The following R3HCC1L variants were observed in gnomAD, a reference collection of about 807,000 sequenced individuals.
R3HCC1L encodes R3H domain and coiled-coil containing 1 like.
R3HCC1L carries 51 observed loss-of-function variants against 59.9 expected under a neutral mutation model. The observed-to-expected ratio is 0.85, with a 90% CI of 0.68 to 1.07. The LOEUF is 1.07. Among genes scored for constraint, R3HCC1L ranks in the 50% least tolerant of loss-of-function variants. The pLI is 0.00. For missense variants in R3HCC1L, 965 were observed against 933.0 expected (o/e 1.03, Z -0.45); for synonymous variants, 322 against 315.2 (o/e 1.02, Z -0.23).
intron 4 of R3HCC1L, among the ~76,000 whole-genome samples, chr10:98,171,571 T>C (rs1211859456): frequency 6.6e-6 from 1 of 152,104 alleles, no homozygotes; most frequent in East Asian, 1.9e-4. Context: ...AGGCTCAGGA[T>C]AGCAGTGGTT....
rs1053259007 is a variant in R3HCC1L, at chr10:98,244,340, A to G, written c.*182A>G. On this transcript the variant is annotated 3_prime_UTR_variant, in exon 10 of 10. Coordinates refer to ENST00000298999, the MANE Select transcript of R3HCC1L (RefSeq NM_001351015.2). ...GACTCCTGTCTTCACTCCTAAATGCAGTTCTTTGGAATCACCCTACTGTGG... is the reference window on the plus strand; with the variant it reads ...GACTCCTGTCTTCACTCCTAAATGCGGTTCTTTGGAATCACCCTACTGTGG... The G allele has an allele frequency of 5.5e-6, 3 of 544,262 alleles. No individual in the cohort carries two copies. Among genetic ancestry groups the G allele is most frequent in the Non-Finnish European group, 6.5e-6 (2 of 308,782 alleles). 33.7% of individuals were successfully genotyped at this position (544,262 alleles called of 1,614,324 possible).
chr10:98,211,298 C>G, intron 5 of R3HCC1L: 1 of 1,496,954 alleles, frequency 6.7e-7, no homozygotes, highest in Non-Finnish European at 9.0e-7. Flanking sequence ...CTATTTACAA[C>G]TTTTTCAGGG....
At chr10:98,177,961 T>G (rs1420603052) in intron 4 of R3HCC1L, among the ~76,000 whole-genome samples, 1 of 152,216 alleles carries the variant, frequency 6.6e-6, no homozygotes, top group Admixed American at 6.5e-5. Context: ...ATTAGCCCTT[T>G]GTCAGATGAG....
chr10:98,211,920 A>G (rs765475875), intron 5 of R3HCC1L, among the ~76,000 whole-genome samples: 1 of 152,160 alleles, frequency 6.6e-6, no homozygotes, highest in Non-Finnish European at 1.5e-5. Context: ...TTCGAGGAGC[A>G]TAGTAACATA....
chr10:98,138,642 C>T (rs1564975093), intron 1 of R3HCC1L, among the ~76,000 whole-genome samples: 1 of 152,130 alleles, frequency 6.6e-6, no homozygotes, highest in Non-Finnish European at 1.5e-5. Context: ...ATAGTGGATG[C>T]TCAGTAATGA....
intron 5 of R3HCC1L, among the ~76,000 whole-genome samples, chr10:98,222,438 C>G (rs375000516): frequency 5.8e-4 from 88 of 151,852 alleles, no homozygotes; most frequent in South Asian, 1.0e-3. Context: ...TGGTGAGAGA[C>G]GGCATCCCTG....
chr10:98,187,509 A>T (rs1456615956), intron 4 of R3HCC1L, among the ~76,000 whole-genome samples: 1 of 152,146 alleles, frequency 6.6e-6, no homozygotes, highest in Non-Finnish European at 1.5e-5. Flanking sequence ...CAGAGTATCA[A>T]TTCTTTGATG....
intron 5 of R3HCC1L, among the ~76,000 whole-genome samples, chr10:98,230,176 C>T (rs1856199312): frequency 6.6e-6 from 1 of 152,140 alleles, no homozygotes; most frequent in African/African-American, 2.4e-5. Context: ...CTCCTTGTAC[C>T]TCTGGTAGAA....
chr10:98,141,708 C>A (rs765149707), intron 1 of R3HCC1L, among the ~76,000 whole-genome samples: 1 of 152,186 alleles, frequency 6.6e-6, no homozygotes, highest in African/African-American at 2.4e-5. Flanking sequence ...CCTCAGAACA[C>A]CTACCTACCC....
chr10:98,238,080 C>T (rs951182819), intron 9 of R3HCC1L, among the ~76,000 whole-genome samples: 7 of 152,176 alleles, frequency 4.6e-5, no homozygotes, highest in African/African-American at 1.4e-4. Context: ...CATAGGTACT[C>T]TCTTGCTCCT....
chr10:98,233,975 T>A (rs1475300183), intron 6 of R3HCC1L, among the ~76,000 whole-genome samples: 1 of 152,124 alleles, frequency 6.6e-6, no homozygotes, highest in Non-Finnish European at 1.5e-5. Flanking sequence ...TTCAGTATAA[T>A]CTCCCCTACC....
intron 6 of R3HCC1L, 77 bp downstream of exon 6, chr10:98,231,764 C>T (rs1856430704): frequency 7.2e-7 from 1 of 1,379,756 alleles, no homozygotes; most frequent in South Asian, 1.4e-5. Flanking sequence ...GAAATCATCT[C>T]TTGTTTTTTA....
chr10:98,211,282 A>G (rs1853538749), intron 5 of R3HCC1L: 12 of 1,395,022 alleles, frequency 8.6e-6, no homozygotes, highest in Non-Finnish European at 8.8e-6. Flanking sequence ...TAGCCCAGCA[A>G]ACTGTCTATT....
chr10:98,221,595 A>G (rs1254913339), intron 5 of R3HCC1L, among the ~76,000 whole-genome samples: 1 of 151,392 alleles, frequency 6.6e-6, no homozygotes, highest in East Asian at 1.9e-4. Context: ...CTTTCTACAT[A>G]TGGCTAGCCA....
rs148867373 is a variant in R3HCC1L, at chr10:98,209,741, G to C, written c.1627G>C (p.Val543Leu). 8,213 of 1,613,892 alleles carry C rather than the reference G, an allele frequency of 5.1e-3. 32 individuals are homozygous for C. The highest frequency in any genetic ancestry group is 0.017 in the Middle Eastern group (102 of 6,060). The change falls in exon 5 of 10, where the codon GTA (valine) becomes CTA (leucine). Residue 543 changes from valine (V) to leucine (L), a missense_variant. Coordinates refer to ENST00000298999, the MANE Select transcript of R3HCC1L (RefSeq NM_001351015.2). ...QDDSGSIEFG[V>L]SFPDRESSSM... ...TGACTCAGGGAGTATAGAATTTGGT[G>C]TATCTTTTCCTGATAGGGAATCATC...
chr10:98,224,003 G>T (rs1036867392), intron 5 of R3HCC1L, among the ~76,000 whole-genome samples: 8 of 152,110 alleles, frequency 5.3e-5, no homozygotes, highest in Non-Finnish European at 7.4e-5. Context: ...CAGGTGGGGG[G>T]TTGTGGCGGG....
chr10:98,138,528 TA>T (rs879820584), intron 1 of R3HCC1L, among the ~76,000 whole-genome samples: 3,480 of 148,070 alleles, frequency 0.024, 121 homozygotes, highest in African/African-American at 0.079. Flanking sequence ...TCATCTTTAT[TA>T]AAAAAAAAAA....
intron 6 of R3HCC1L, among the ~76,000 whole-genome samples, chr10:98,233,854 AT>A (rs1856640848): frequency 6.6e-6 from 1 of 151,542 alleles, no homozygotes; most frequent in African/African-American, 2.4e-5. Flanking sequence ...ATTTTTTCTT[AT>A]TTTTTTAACC....
intron 4 of R3HCC1L, among the ~76,000 whole-genome samples, chr10:98,192,061 G>A (rs1293623542): frequency 6.6e-6 from 1 of 152,074 alleles, no homozygotes; most frequent in African/African-American, 2.4e-5. Context: ...CTGACCTCAG[G>A]TGATCCACCC....
Sources: gnomAD v4.1 joint callset for allele counts (sites outside exome capture counted in the v4.1 genomes callset) on GRCh38, gnomAD v4.1.1 for gene constraint, MANE v1.5 for transcripts, NCBI Gene and HGNC (gene_info 2026-07-23, HGNC 2026-07-21) for gene names.